PCMTD1: variants seen among roughly 807,000 people sequenced by gnomAD.
The protein encoded by PCMTD1 is protein-L-isoaspartate (D-aspartate) O-methyltransferase domain containing 1, also known as protein-L-isoaspartate O-methyltransferase domain-containing protein 1.
In PCMTD1, 12 loss-of-function variants were observed where a neutral mutation model predicts 37.6. The observed-to-expected ratio is 0.32, with a 90% confidence interval of 0.20 to 0.52. The LOEUF (loss-of-function observed/expected upper bound fraction) is 0.52, where lower values mean the gene tolerates loss of function less well. Among genes scored for constraint, PCMTD1 ranks in the 20% least tolerant of loss-of-function variants. The pLI is 0.97. For synonymous variants in PCMTD1, 117 were observed against 135.8 expected, an observed-to-expected ratio of 0.86 and a Z score of 0.96; for missense variants, 235 against 421.3, an observed-to-expected ratio of 0.56 and a Z score of 3.87.
Position 51,861,236 on chromosome 8 carries a change from ATAAAT to A in PCMTD1, c.-90_-86del. On this transcript the variant is annotated 5_prime_UTR_variant, in exon 2 of 6. Transcript: ENST00000522514. ...CCAATATTGCACTTGATTTCCAAAA[ATAAAT>A]TAATCCTGGAAGGGAAGAACAAAAA... is the stretch of plus-strand genomic sequence containing the variant. 6.8e-7 allele frequency: 1 copy of A among 1,469,468 alleles called. No individual in the cohort carries two copies. The highest frequency in any genetic ancestry group is 9.0e-7 in the Non-Finnish European group (1 of 1,108,162). 91.0% of individuals were successfully genotyped at this position (1,469,468 alleles called of 1,614,324 possible). A position where few individuals can be genotyped will look rare whatever the true frequency, so the allele number is the denominator to read the frequency against.
At chr8:51,834,262 T>C (rs1563338677) in intron 3 of PCMTD1, among the ~76,000 whole-genome samples, 1 of 152,300 alleles carries the variant, frequency 6.6e-6, no homozygotes, top group South Asian at 2.1e-4. Flanking sequence ...CATCACTGAA[T>C]GGGACAAAGA....
At chr8:51,826,978 C>G (rs917339617) in intron 5 of PCMTD1, 9 of 931,274 alleles carry the variant, frequency 9.7e-6, no homozygotes, top group Non-Finnish European at 1.2e-5. Context: ...CTACAAGATA[C>G]ATTTGGCAAA....
At chr8:51,884,734 T>C (rs2038840982) in intron 1 of PCMTD1, among the ~76,000 whole-genome samples, 1 of 152,204 alleles carries the variant, frequency 6.6e-6, no homozygotes, top group African/African-American at 2.4e-5. Context: ...GGACAGTTTG[T>C]AGAACACAAC....
chr8:51,897,849 A>T (rs1160897351), intron 1 of PCMTD1, among the ~76,000 whole-genome samples: 1 of 152,206 alleles, frequency 6.6e-6, no homozygotes, highest in Non-Finnish European at 1.5e-5. Flanking sequence ...AAAATGGAGG[A>T]ATATCCATGA....
Position 51,818,542 on chromosome 8 carries a change from AT to A in PCMTD1, c.*1808del, listed in dbSNP as rs1205245252. The stretch of plus-strand genomic sequence containing the variant: ...AAAGCCACATTTAATTCAAAATAAA[AT>A]GAGCATTTCTGACAGATGACAACAG... On this transcript the variant is annotated 3_prime_UTR_variant, in exon 6 of 6. Coordinates refer to ENST00000522514, the MANE Select transcript of PCMTD1 (RefSeq NM_052937.4). The A allele has an allele frequency of 6.6e-6, 1 of 152,426 alleles. No individual in the cohort carries two copies. Among genetic ancestry groups the A allele is most frequent in the African/African-American group, 2.4e-5 (1 of 41,488 alleles). 9.4% of individuals were successfully genotyped at this position (152,426 alleles called of 1,614,324 possible).
At chr8:51,870,328 G>C (rs1251734695) in intron 1 of PCMTD1, 1 of 152,174 alleles carries the variant, frequency 6.6e-6, no homozygotes, top group African/African-American at 2.4e-5. Context: ...GGGATTCATG[G>C]ACCAAGCCTG....
At chr8:51,854,573 T>C (rs1399459383) in intron 2 of PCMTD1, among the ~76,000 whole-genome samples, 3 of 152,088 alleles carry the variant, frequency 2.0e-5, no homozygotes, top group African/African-American at 7.2e-5. Context: ...GAGCCCCAAA[T>C]AAATCACATA....
rs144287686 is a variant in PCMTD1 at position 51,846,391 on chromosome 8, GGA to G, written c.308-630_308-629del. 6.6e-4 allele frequency among the ~76,000 whole-genome samples: 100 copies of G among 152,270 alleles called. No individual in the cohort carries two copies. The East Asian group carries it at 0.016, about 25-fold the overall frequency. Reference sequence around the variant, plus strand: ...TCCCAGGAAAAGGGGAATGAATAGAGGAGAGTTTTCCCAGCCCCGAGAGATGT... The same window carrying G: ...TCCCAGGAAAAGGGGAATGAATAGAGGAGTTTTCCCAGCCCCGAGAGATGT... On this transcript the variant is annotated intron_variant, in intron 2 of 5. Transcript: ENST00000522514.
intron 5 of PCMTD1, among the ~76,000 whole-genome samples, chr8:51,824,136 C>A (rs1440057166): frequency 6.6e-6 from 1 of 152,148 alleles, no homozygotes; most frequent in East Asian, 1.9e-4. Context: ...AAAACCAGCA[C>A]AAGACAAGGA....
chr8:51,861,714 G>GTT (rs35473494), intron 1 of PCMTD1, among the ~76,000 whole-genome samples: 10 of 147,908 alleles, frequency 6.8e-5, no homozygotes, highest in Admixed American at 2.0e-4. Context: ...CAGAAACCAT[G>GTT]TTTTTTTTTT....
intron 5 of PCMTD1, 149 bp downstream of exon 5, chr8:51,831,295 C>CT: frequency 1.5e-6 from 1 of 679,012 alleles, no homozygotes; most frequent in East Asian, 3.4e-5. Flanking sequence ...AAGACTGTCT[C>CT]CAAAAAAAAA....
intron 1 of PCMTD1, among the ~76,000 whole-genome samples, chr8:51,882,271 T>C (rs1021182476): frequency 6.6e-6 from 1 of 152,226 alleles, no homozygotes; most frequent in African/African-American, 2.4e-5. Flanking sequence ...GGGAGCTCTC[T>C]GGTGTCACTT....
intron 2 of PCMTD1, among the ~76,000 whole-genome samples, chr8:51,850,518 C>G (rs1210550895): frequency 1.3e-5 from 2 of 152,198 alleles, no homozygotes; most frequent in African/African-American, 4.8e-5. Flanking sequence ...TAACATGCAA[C>G]TGGGGCTGAG....
chr8:51,861,985 A>T (rs1465496156), intron 1 of PCMTD1, among the ~76,000 whole-genome samples: 1 of 152,216 alleles, frequency 6.6e-6, no homozygotes. Flanking sequence ...AAGTGCTGGG[A>T]TAACAGGCGT....
chr8:51,857,119 A>T (rs1295929771), intron 2 of PCMTD1, among the ~76,000 whole-genome samples: 1 of 152,244 alleles, frequency 6.6e-6, no homozygotes, highest in Admixed American at 6.5e-5. Context: ...AAAGAGAGAG[A>T]GTGTAGAGGT....
rs146047438 is a variant in PCMTD1, at chr8:51,856,112, G to C, written c.307+4733C>G. On this transcript the variant is annotated intron_variant, in intron 2 of 5. Coordinates refer to ENST00000522514, the MANE Select transcript of PCMTD1 (RefSeq NM_052937.4). ...CTTAAAAGAGCATGAAAAAACATTT[G>C]AAAATTATATTTGTGATAAAGACTT... Among the ~76,000 whole-genome samples the C allele has an allele frequency of 2.3e-3, 343 of 152,168 alleles. 1 individual carries two copies. Among genetic ancestry groups the C allele is most frequent in the African/African-American group, 7.5e-3 (312 of 41,530 alleles).
At chr8:51,898,288 C>T (rs1474140282) in intron 1 of PCMTD1, among the ~76,000 whole-genome samples, 1 of 152,112 alleles carries the variant, frequency 6.6e-6, no homozygotes, top group Non-Finnish European at 1.5e-5. Context: ...GGGTTCTGCC[C>T]GTGGGTCCTC....
intron 1 of PCMTD1, among the ~76,000 whole-genome samples, chr8:51,890,000 A>C (rs1231651771): frequency 3.8e-5 from 3 of 78,838 alleles, no homozygotes; most frequent in Admixed American, 1.2e-4. Context: ...AGTCCTTAAC[A>C]AAAAAAAAAA....
At chr8:51,828,997 T>C (rs892499944) in intron 5 of PCMTD1, among the ~76,000 whole-genome samples, 2 of 152,226 alleles carry the variant, frequency 1.3e-5, no homozygotes, top group Non-Finnish European at 1.5e-5. Context: ...GATTGTTATA[T>C]ATGGATTAAA....
Sources: allele counts gnomAD v4.1 joint callset (sites outside exome capture counted in the v4.1 genomes callset), GRCh38; gene constraint gnomAD v4.1.1; transcripts MANE v1.5; gene names NCBI Gene and HGNC (gene_info 2026-07-23, HGNC 2026-07-21).